The following C14orf39 variants were observed in gnomAD, a reference collection of about 807,000 sequenced individuals.
C14orf39 encodes the protein protein SIX6OS1.
Under a neutral mutation model 85.6 loss-of-function variants are expected in C14orf39, and 66 were observed. The observed-to-expected ratio is 0.77, with a 90% confidence interval of 0.63 to 0.95. The LOEUF is 0.95. Among genes scored for constraint, C14orf39 ranks in the 40% least tolerant of loss-of-function variants. C14orf39 has a pLI of 0.00. For missense variants in C14orf39, 735 were observed against 663.9 expected, an observed-to-expected ratio of 1.11 and a Z score of -1.18; for synonymous variants, 242 against 214.0, an observed-to-expected ratio of 1.13 and a Z score of -1.14.
intron 5 of C14orf39, among the ~76,000 whole-genome samples, chr14:60,474,323 A>G (rs558070716): frequency 5.3e-5 from 8 of 151,850 alleles, no homozygotes; most frequent in African/African-American, 1.9e-4. Flanking sequence ...TGTTTTCTAG[A>G]TATACAATCA....
chr14:60,469,852 T>C (rs1891986034), intron 7 of C14orf39, among the ~76,000 whole-genome samples, 199 bp from the exon 8 acceptor site: 1 of 151,224 alleles, frequency 6.6e-6, no homozygotes. Flanking sequence ...ATTGTTTATG[T>C]TATATACTGA....
intron 1 of C14orf39, chr14:60,511,364 TG>T: frequency 7.7e-7 from 1 of 1,301,338 alleles, no homozygotes; most frequent in East Asian, 2.4e-5. Flanking sequence ...AGAAGCCAGG[TG>T]ACCAGGGACC....
upstream of C14orf39, among the ~76,000 whole-genome samples, chr14:60,489,774 AAG>A (rs761777862): frequency 1.3e-5 from 2 of 152,220 alleles, no homozygotes; most frequent in Non-Finnish European, 2.9e-5. Context: ...CAGAAAATGA[AAG>A]AGAGAGAATC....
intron 1 of C14orf39, among the ~76,000 whole-genome samples, chr14:60,513,309 CTTAA>C (rs1182680076): frequency 2.0e-5 from 3 of 152,188 alleles, no homozygotes; most frequent in East Asian, 3.9e-4. Context: ...TTCCTCAGTA[CTTAA>C]TTTTGTTTCC....
chr14:60,510,997 G>A (rs1356245829), intron 1 of C14orf39: 7 of 1,385,626 alleles, frequency 5.1e-6, no homozygotes, highest in South Asian at 2.5e-5. Flanking sequence ...TCTAGCCGCC[G>A]GGCTGGAGGG....
intron 2 of C14orf39, among the ~76,000 whole-genome samples, chr14:60,493,457 A>G (rs529801719): frequency 1.3e-5 from 2 of 152,296 alleles, no homozygotes; most frequent in African/African-American, 4.8e-5. Context: ...CACTTGGTTC[A>G]ATAAGCTCCA....
chr14:60,474,916 A>G (rs1892295871), intron 5 of C14orf39, among the ~76,000 whole-genome samples: 1 of 152,208 alleles, frequency 6.6e-6, no homozygotes, highest in African/African-American at 2.4e-5. Context: ...CTGGCCTCAT[A>G]AAATGAGTTA....
chr14:60,447,714 C>G (rs1890838253), intron 16 of C14orf39, among the ~76,000 whole-genome samples: 1 of 151,800 alleles, frequency 6.6e-6, no homozygotes, highest in Non-Finnish European at 1.5e-5. Context: ...ATATGGAACC[C>G]AAAAAAAGCC....
intron 4 of C14orf39, among the ~76,000 whole-genome samples, chr14:60,481,635 A>T (rs956570000): frequency 4.6e-5 from 7 of 152,154 alleles, no homozygotes; most frequent in South Asian, 2.1e-4. Flanking sequence ...TTATTTTTTT[A>T]AATCTCAGCA....
At chr14:60,448,968 T>C (rs1013936526) in intron 16 of C14orf39, among the ~76,000 whole-genome samples, 1 of 151,836 alleles carries the variant, frequency 6.6e-6, no homozygotes, top group Non-Finnish European at 1.5e-5. Context: ...TTCTCACTCA[T>C]AGGTGGAAAC....
intron 16 of C14orf39, among the ~76,000 whole-genome samples, chr14:60,453,338 A>G (rs2140061489): frequency 6.6e-6 from 1 of 152,102 alleles, no homozygotes; most frequent in Non-Finnish European, 1.5e-5. Context: ...ATTCTTTAAG[A>G]CTACCAGAAA....
intron 1 of C14orf39, among the ~76,000 whole-genome samples, chr14:60,514,878 C>A (rs374753660): frequency 6.6e-5 from 10 of 152,150 alleles, no homozygotes; most frequent in South Asian, 4.1e-4. Context: ...CGGGGGCGGC[C>A]GTGAATGGGG....
chr14:60,503,625 T>C (rs1054822212), intron 1 of C14orf39, among the ~76,000 whole-genome samples: 1 of 152,188 alleles, frequency 6.6e-6, no homozygotes, highest in Non-Finnish European at 1.5e-5. Context: ...CACTGAACAA[T>C]AACTTTCAAC....
At chr14:60,510,035 G>C in intron 1 of C14orf39, 1 of 1,421,532 alleles carries the variant, frequency 7.0e-7, no homozygotes, top group Non-Finnish European at 9.7e-7. Flanking sequence ...GGCACCTCTG[G>C]CGCCCTTACC....
intron 11 of C14orf39, among the ~76,000 whole-genome samples, 196 bp from the exon 12 acceptor site, chr14:60,461,789 A>G (rs1180575386): frequency 6.6e-6 from 1 of 152,178 alleles, no homozygotes; most frequent in Non-Finnish European, 1.5e-5. Context: ...TTGAGAAACA[A>G]AAAAGTTTAA....
At chr14:60,480,519 T>C (rs1166721872) in intron 4 of C14orf39, among the ~76,000 whole-genome samples, 3 of 152,314 alleles carry the variant, frequency 2.0e-5, no homozygotes, top group South Asian at 4.1e-4. Context: ...TGTAAACTAG[T>C]ACAGCTACTT....
At chr14:60,441,369 T>C (rs1354047841) in intron 17 of C14orf39, among the ~76,000 whole-genome samples, 1 of 152,200 alleles carries the variant, frequency 6.6e-6, no homozygotes, top group Non-Finnish European at 1.5e-5. Flanking sequence ...GTGTATTACT[T>C]GGGTAGTTGG....
chr14:60,438,301 CT>C (rs1194225649), intron 17 of C14orf39, among the ~76,000 whole-genome samples: 1 of 152,072 alleles, frequency 6.6e-6, no homozygotes, highest in Non-Finnish European at 1.5e-5. Context: ...TACTTGTGTT[CT>C]TCCCCTCTCC....
At chr14:60,499,652 T>A (rs1893112532) in intron 1 of C14orf39, among the ~76,000 whole-genome samples, 1 of 152,268 alleles carries the variant, frequency 6.6e-6, no homozygotes, top group Non-Finnish European at 1.5e-5. Context: ...GTATGGCCCC[T>A]AAGGCAGAAC....
Sources: allele counts gnomAD v4.1 joint callset (sites outside exome capture counted in the v4.1 genomes callset), GRCh38; gene constraint gnomAD v4.1.1; transcripts MANE v1.5; gene names NCBI Gene and HGNC (gene_info 2026-07-23, HGNC 2026-07-21).